Variants in ARMC2 observed in about 807,000 individuals in gnomAD.
The protein encoded by ARMC2 is armadillo repeat containing 2.
A neutral mutation model predicts 90.3 loss-of-function variants in ARMC2; 67 were observed. The ratio of observed to expected loss-of-function variants is 0.74; its 90% CI spans 0.61 to 0.91. The LOEUF is 0.91. Ranked by LOEUF, ARMC2 falls within the 40% of genes least tolerant of loss-of-function variation. The pLI, the probability that ARMC2 is intolerant of heterozygous loss-of-function variation, is 0.00. For synonymous variants in ARMC2, 393 were observed against 393.0 expected (o/e 1.00, Z 0.00); for missense variants, 920 against 1,030.9 (o/e 0.89, Z 1.47).
chr6:108,888,688 C>G (rs1232189553), intron 5 of ARMC2, among the ~76,000 whole-genome samples: 2 of 152,166 alleles, frequency 1.3e-5, no homozygotes, highest in Non-Finnish European at 2.9e-5. Context: ...GACTTCAGCT[C>G]TATGGCTGTG....
chr6:108,893,874 C>T (rs1458764537), intron 5 of ARMC2, among the ~76,000 whole-genome samples: 1 of 152,120 alleles, frequency 6.6e-6, no homozygotes, highest in African/African-American at 2.4e-5. Flanking sequence ...AAAAATTATC[C>T]GGGCATGGTG....
chr6:108,910,771 AT>A (rs1455201298), intron 8 of ARMC2, 127 bp from the exon 9 acceptor site: 86 of 440,088 alleles, frequency 2.0e-4, no homozygotes, highest in Non-Finnish European at 1.1e-4. Context: ...TTCAAAGTTG[AT>A]TTCTTTAGAA....
chr6:108,913,286 T>C (rs1207987923), intron 10 of ARMC2, among the ~76,000 whole-genome samples: 1 of 152,216 alleles, frequency 6.6e-6, no homozygotes, highest in African/African-American at 2.4e-5. Context: ...TTAATGAGGA[T>C]TGATTGAGCA....
chr6:108,910,619 T>C (rs1263946721), intron 8 of ARMC2, among the ~76,000 whole-genome samples: 1 of 152,220 alleles, frequency 6.6e-6, no homozygotes, highest in Non-Finnish European at 1.5e-5. Context: ...CGAAGATATA[T>C]CTGCACTCCT....
chr6:108,908,253 A>G (rs527793510), intron 8 of ARMC2, among the ~76,000 whole-genome samples: 82 of 152,272 alleles, frequency 5.4e-4, no homozygotes, highest in Middle Eastern at 6.8e-3. Context: ...ACAACACCAA[A>G]TTTCCAGAAT....
intron 5 of ARMC2, among the ~76,000 whole-genome samples, chr6:108,887,235 A>G (rs1331865855): frequency 6.6e-6 from 1 of 152,072 alleles, no homozygotes; most frequent in Non-Finnish European, 1.5e-5. Context: ...TTTTAAAGAA[A>G]TATACTTGTA....
rs1677751055 is a variant in ARMC2 at position 108,964,195 on chromosome 6, T to C, written c.2168T>C (p.Met723Thr). ...TCCCTCGTAGTCCACAGGTTCATGA[T>C]GGCGCTGCTGGATGCTCAGCATCAG... ...IVQNNVHRFM[M>T]ALLDAQHQDI... is the part of the protein sequence containing the mutation. The change falls in exon 16 of 18, where the codon ATG becomes ACG. Residue 723 changes from methionine to threonine, a missense_variant. Coordinates refer to ENST00000392644, the MANE Select transcript of ARMC2 (RefSeq NM_032131.6). 1.2e-6 allele frequency: 2 copies of C among 1,613,860 alleles called. No individual in the cohort carries two copies. Among genetic ancestry groups the C allele is most frequent in the African/African-American group, 1.3e-5 (1 of 75,040 alleles).
the ARMC2 span, among the ~76,000 whole-genome samples, chr6:109,040,453 T>C: frequency 1.3e-5 from 2 of 152,192 alleles, no homozygotes; most frequent in African/African-American, 2.4e-5. Flanking sequence ...GGAAAGTTAC[T>C]AAGAATTTAT....
At chr6:108,855,246 T>TTCTC in intron 2 of ARMC2, among the ~76,000 whole-genome samples, 1 of 150,246 alleles carries the variant, frequency 6.7e-6, no homozygotes, top group African/African-American at 2.5e-5. Context: ...TTCTTTTTGT[T>TTCTC]TTTCTTTTTT....
At chr6:108,943,389 C>A (rs1401638114) in intron 12 of ARMC2, among the ~76,000 whole-genome samples, 1 of 152,060 alleles carries the variant, frequency 6.6e-6, no homozygotes, top group Non-Finnish European at 1.5e-5. Flanking sequence ...TACAAGAATT[C>A]ATATTATTTT....
chr6:108,988,408 G>C, the ARMC2 span: 1 of 686,362 alleles, frequency 1.5e-6, no homozygotes, highest in Non-Finnish European at 2.3e-6. Flanking sequence ...AGGGGTACCT[G>C]AGACAGCTGT....
At chr6:109,004,058 CAA>C in the ARMC2 span, among the ~76,000 whole-genome samples, 71 of 152,002 alleles carry the variant, frequency 4.7e-4, no homozygotes, top group Non-Finnish European at 1.0e-4. Flanking sequence ...AATTATTCAA[CAA>C]ATGATCTTGG....
At chr6:108,964,427 G>A (rs1204182539) in intron 16 of ARMC2, 115 bp downstream of exon 16, 2 of 1,242,142 alleles carry the variant, frequency 1.6e-6, no homozygotes, top group Non-Finnish European at 2.2e-6. Flanking sequence ...ACATTGGGAA[G>A]CCCCTAAGCT....
chr6:108,969,294 C>A (rs1190440743), intron 17 of ARMC2, among the ~76,000 whole-genome samples: 2 of 152,226 alleles, frequency 1.3e-5, no homozygotes, highest in East Asian at 3.8e-4. Context: ...AAACAGCCAT[C>A]TGCTGCTGAA....
At chr6:108,898,520 G>T (rs1771827191) in intron 6 of ARMC2, among the ~76,000 whole-genome samples, 1 of 152,212 alleles carries the variant, frequency 6.6e-6, no homozygotes, top group Admixed American at 6.5e-5. Flanking sequence ...ATTCAGTAAT[G>T]CCTCAGCACA....
chr6:109,052,518 T>G, the ARMC2 span, among the ~76,000 whole-genome samples: 1 of 152,202 alleles, frequency 6.6e-6, no homozygotes, highest in African/African-American at 2.4e-5. Flanking sequence ...CTTAAAATAG[T>G]TTATCTAGAC....
In ARMC2 at chr6:108,854,202, GT is replaced by G. The variant is rs1046446350; in HGVS notation, c.-43-18del. On this transcript the variant is annotated intron_variant, in intron 1 of 17. Transcript: ENST00000392644. ...AAAGTCCTGGACAAAAATAATGATG[GT>G]TTTTGTACCATGTATTTGCAGGGTG... 4.0e-5 allele frequency: 51 copies of G among 1,281,810 alleles called. No individual in the cohort carries two copies. In the Admixed American group the frequency reaches 9.9e-4, roughly 25 times the overall value. The allele number at this position is 1,281,810 out of a possible 1,614,324, so 79.4% of individuals were successfully genotyped here.
At chr6:108,892,177 A>C (rs1281180579) in intron 5 of ARMC2, among the ~76,000 whole-genome samples, 2 of 152,056 alleles carry the variant, frequency 1.3e-5, no homozygotes, top group Non-Finnish European at 2.9e-5. Context: ...CCTAGTCTCA[A>C]ACCTTCTTGT....
chr6:108,936,536 G>A (rs562189401), intron 11 of ARMC2, among the ~76,000 whole-genome samples: 4 of 152,330 alleles, frequency 2.6e-5, no homozygotes, highest in South Asian at 2.1e-4. Context: ...GATTACAGGC[G>A]TGAGGCACCA....
Sources: allele counts gnomAD v4.1 joint callset (sites outside exome capture counted in the v4.1 genomes callset), GRCh38; gene constraint gnomAD v4.1.1; transcripts MANE v1.5; gene names NCBI Gene and HGNC (gene_info 2026-07-23, HGNC 2026-07-21).